Variants in TTLL5 observed in about 807,000 individuals in gnomAD.
The protein encoded by TTLL5 is tubulin polyglutamylase TTLL5.
TTLL5 carries 132 observed loss-of-function variants against 168.4 expected under a neutral mutation model. The observed-to-expected ratio is 0.78, with a 90% confidence interval of 0.68 to 0.91. The LOEUF (loss-of-function observed/expected upper bound fraction) is 0.91. Among genes scored for constraint, TTLL5 ranks in the 40% least tolerant of loss-of-function variants. The pLI is 0.00. For synonymous variants in TTLL5, 546 were observed against 558.6 expected (o/e 0.98, Z 0.32); for missense variants, 1,545 against 1,581.5 (o/e 0.98, Z 0.39).
intron 17 of TTLL5, among the ~76,000 whole-genome samples, chr14:75,751,123 A>G (rs1236012360): frequency 6.6e-6 from 1 of 152,140 alleles, no homozygotes; most frequent in African/African-American, 2.4e-5. Context: ...CACTGCTGTC[A>G]CTTGCTCACG....
chr14:75,751,760 G>C (rs1481060991), intron 17 of TTLL5, among the ~76,000 whole-genome samples: 5 of 152,114 alleles, frequency 3.3e-5, no homozygotes, highest in Admixed American at 6.6e-5. Flanking sequence ...AAGGGATCCC[G>C]ATCCAGACCC....
At chr14:75,717,516 T>C (rs886720226) in intron 9 of TTLL5, among the ~76,000 whole-genome samples, 2 of 152,298 alleles carry the variant, frequency 1.3e-5, no homozygotes, top group Middle Eastern at 3.4e-3. Context: ...ATTCTTCCTA[T>C]TGGTGTAATG....
rs551904289 is a variant in TTLL5, at chr14:75,917,729, A to G, written c.3823+15505A>G. 1.3e-4 allele frequency among the ~76,000 whole-genome samples: 20 copies of G among 152,340 alleles called. 1 individual carries two copies. In the East Asian group the frequency reaches 3.9e-3, roughly 29 times the overall value. ...ATGCCCGAACCGCCTTCGAAGGGAC[A>G]GCAGTTCTGGTTGGCAGAGGAAACA... On this transcript the variant is annotated intron_variant, in intron 31 of 31. Transcript: ENST00000298832.
At chr14:75,713,183 A>G (rs1358749174) in intron 9 of TTLL5, among the ~76,000 whole-genome samples, 4 of 152,248 alleles carry the variant, frequency 2.6e-5, no homozygotes, top group Non-Finnish European at 5.9e-5. Flanking sequence ...GACCACATAT[A>G]CTATGGTATC....
intron 28 of TTLL5, among the ~76,000 whole-genome samples, chr14:75,834,472 T>C (rs970165017): frequency 6.6e-6 from 1 of 152,230 alleles, no homozygotes; most frequent in Non-Finnish European, 1.5e-5. Context: ...TTTTCATGTT[T>C]TCACTGTCTT....
At chr14:75,751,467 G>A (rs1261234411) in intron 17 of TTLL5, among the ~76,000 whole-genome samples, 1 of 152,156 alleles carries the variant, frequency 6.6e-6, no homozygotes, top group Non-Finnish European at 1.5e-5. Flanking sequence ...TGATTCATGG[G>A]CCTGGAGTGT....
chr14:75,811,878 G>A (rs1055775646), intron 27 of TTLL5, among the ~76,000 whole-genome samples: 13 of 152,142 alleles, frequency 8.5e-5, no homozygotes, highest in South Asian at 4.1e-4. Context: ...GCAGCAGTAC[G>A]ACTTTTAACA....
intron 27 of TTLL5, among the ~76,000 whole-genome samples, chr14:75,811,305 A>G (rs1246018820): frequency 7.2e-5 from 11 of 151,924 alleles, no homozygotes; most frequent in Non-Finnish European, 1.6e-4. Flanking sequence ...GGACAGAATC[A>G]TTAGTCTGAC....
chr14:75,788,072 G>C (rs1417733958), intron 26 of TTLL5, among the ~76,000 whole-genome samples: 1 of 152,114 alleles, frequency 6.6e-6, no homozygotes, highest in African/African-American at 2.4e-5. Flanking sequence ...GATTGCTTGA[G>C]CGCAGGAGTT....
chr14:75,701,794 T>C (rs1448124552), intron 7 of TTLL5, among the ~76,000 whole-genome samples: 2 of 152,220 alleles, frequency 1.3e-5, no homozygotes, highest in Non-Finnish European at 2.9e-5. Flanking sequence ...GAGTACAAGC[T>C]TGGAAATTTG....
intron 28 of TTLL5, among the ~76,000 whole-genome samples, chr14:75,843,857 ATTTTGTTTTGTTTTG>A (rs1555350782): frequency 2.0e-5 from 2 of 99,220 alleles, no homozygotes; most frequent in South Asian, 5.7e-4. Context: ...TATTTATTTT[ATTTTGTTTTGTTTTG>A]TTTTGTTTTA....
intron 15 of TTLL5, among the ~76,000 whole-genome samples, chr14:75,739,785 G>A (rs1889136657): frequency 2.0e-5 from 3 of 152,262 alleles, no homozygotes; most frequent in African/African-American, 7.2e-5. Flanking sequence ...ATGATAAAAT[G>A]GAGGTAAAAT....
intron 31 of TTLL5, among the ~76,000 whole-genome samples, chr14:75,947,455 C>T (rs1168360998): frequency 2.0e-5 from 3 of 152,036 alleles, no homozygotes; most frequent in African/African-American, 4.8e-5. Context: ...AACCTTTTCT[C>T]GTCAACTTAC....
At chr14:75,794,804 T>TC (rs1197785406) in intron 27 of TTLL5, among the ~76,000 whole-genome samples, 12 of 152,310 alleles carry the variant, frequency 7.9e-5, no homozygotes, top group Admixed American at 7.2e-4. Context: ...AGATTAGCCA[T>TC]CCAGAGACTT....
intron 31 of TTLL5, among the ~76,000 whole-genome samples, chr14:75,938,743 G>T (rs1467813831): frequency 6.6e-6 from 1 of 152,174 alleles, no homozygotes; most frequent in Admixed American, 6.5e-5. Context: ...GGAGGCTGAA[G>T]GCACAGTAGT....
intron 30 of TTLL5, among the ~76,000 whole-genome samples, chr14:75,889,748 C>G (rs569066297): frequency 6.7e-6 from 1 of 149,922 alleles, no homozygotes; most frequent in Non-Finnish European, 1.5e-5. Flanking sequence ...GAGAATCGCT[C>G]GAGCCTGGGA....
At chr14:75,687,352 C>T (rs1163894068) in intron 5 of TTLL5, among the ~76,000 whole-genome samples, 1 of 152,160 alleles carries the variant, frequency 6.6e-6, no homozygotes, top group African/African-American at 2.4e-5. Context: ...TGGTTCACTG[C>T]AACCTCTGCC....
At chr14:75,775,879 C>T (rs1451461367) in intron 22 of TTLL5, among the ~76,000 whole-genome samples, 1 of 152,164 alleles carries the variant, frequency 6.6e-6, no homozygotes, top group African/African-American at 2.4e-5. Context: ...AGGCATATTC[C>T]TTTTGAGCAC....
chr14:75,765,420 T>TA (rs1423835868), intron 19 of TTLL5, among the ~76,000 whole-genome samples: 1 of 152,210 alleles, frequency 6.6e-6, no homozygotes, highest in Non-Finnish European at 1.5e-5. Flanking sequence ...GGGTGCTTTT[T>TA]AAAAAATCTC....
Sources: allele counts gnomAD v4.1 joint callset (sites outside exome capture counted in the v4.1 genomes callset), GRCh38; gene constraint gnomAD v4.1.1; transcripts MANE v1.5; gene names NCBI Gene and HGNC (gene_info 2026-07-23, HGNC 2026-07-21).